Variants in BMPR1A observed in about 807,000 individuals in gnomAD.
BMPR1A encodes the protein bone morphogenetic protein receptor type 1A.
A neutral mutation model predicts 66.0 loss-of-function variants in BMPR1A; 7 were observed. That is an observed-to-expected ratio of 0.11 (90% CI 0.06 to 0.20). The LOEUF (loss-of-function observed/expected upper bound fraction) is 0.20. Among genes scored for constraint, BMPR1A ranks in the 10% least tolerant of loss-of-function variants. The pLI is 1.00. For synonymous variants in BMPR1A, 200 were observed against 229.7 expected, an observed-to-expected ratio of 0.87 and a Z score of 1.17; for missense variants, 408 against 669.1, an observed-to-expected ratio of 0.61 and a Z score of 4.31.
chr10:86,829,543 C>G (rs1424271332), intron 1 of BMPR1A, among the ~76,000 whole-genome samples: 2 of 152,186 alleles, frequency 1.3e-5, no homozygotes, highest in Non-Finnish European at 2.9e-5. Context: ...ACTGTGGCAT[C>G]AAGACACAAA....
At chr10:86,912,437 C>A in intron 8 of BMPR1A, 53 bp downstream of exon 8, 2 of 1,597,350 alleles carry the variant, frequency 1.3e-6, no homozygotes, top group South Asian at 2.2e-5. Flanking sequence ...AGAATGTGTC[C>A]TCATGATGGT....
intron 2 of BMPR1A, among the ~76,000 whole-genome samples, chr10:86,864,306 G>A (rs1184063604): frequency 1.3e-5 from 2 of 152,154 alleles, no homozygotes; most frequent in South Asian, 2.1e-4. Context: ...ACAAAAAAAA[G>A]TTATTCCACT....
In BMPR1A at chr10:86,871,012, C is replaced by G. The variant is rs531249512; in HGVS notation, c.-152-4855C>G. On this transcript the variant is annotated intron_variant, in intron 2 of 12. Coordinates refer to ENST00000372037, the MANE Select transcript of BMPR1A (RefSeq NM_004329.3). Reference sequence around the variant, plus strand: ...GTCTTCTCTGCCTCTTCACCCTCATCTCCCACTACACTATCTCTTATTCTC... The same window carrying G: ...GTCTTCTCTGCCTCTTCACCCTCATGTCCCACTACACTATCTCTTATTCTC... Among the ~76,000 whole-genome samples the G allele has an allele frequency of 8.5e-5, 13 of 152,322 alleles. No individual in the cohort carries two copies. In the South Asian group the frequency reaches 2.7e-3, roughly 32 times the overall value.
At chr10:86,832,094 T>C (rs1842275882) in intron 1 of BMPR1A, among the ~76,000 whole-genome samples, 1 of 152,192 alleles carries the variant, frequency 6.6e-6, no homozygotes, top group Non-Finnish European at 1.5e-5. Context: ...CAGGTTACGT[T>C]AAATAGATTG....
chr10:86,784,333 C>T (rs995001929), intron 1 of BMPR1A, among the ~76,000 whole-genome samples: 4 of 152,074 alleles, frequency 2.6e-5, no homozygotes, highest in African/African-American at 4.8e-5. Flanking sequence ...TTGTCAGATG[C>T]TTTTTCTGCA....
chr10:86,931,034 TGAGGTCAGGAGCA>T (rs1383461370), downstream of BMPR1A: 2 of 151,824 alleles, frequency 1.3e-5, no homozygotes, highest in Admixed American at 1.3e-4. Context: ...GCAGACCACC[TGAGGTCAGGAGCA>T]GCCTGGCCAA....
chr10:86,929,842 A>G (rs1442098586), downstream of BMPR1A: 2 of 152,272 alleles, frequency 1.3e-5, no homozygotes, highest in Non-Finnish European at 1.5e-5. Flanking sequence ...AAGAAACAGA[A>G]TTGTCTAATC....
intron 1 of BMPR1A, among the ~76,000 whole-genome samples, chr10:86,785,635 A>G (rs993286990): frequency 2.0e-5 from 3 of 151,992 alleles, no homozygotes; most frequent in African/African-American, 7.2e-5. Context: ...CGTTAGTTCC[A>G]GTTACTCTCC....
Position 86,921,845 on chromosome 10 carries a change from G to A in BMPR1A, c.1342+150G>A, listed in dbSNP as rs922668965. 3 of 971,790 alleles carry A rather than the reference G, an allele frequency of 3.1e-6. No homozygotes were observed. The African/African-American group carries it at 4.9e-5, about 16-fold the overall frequency. The allele number at this position is 971,790 out of a possible 1,614,324, so 60.2% of individuals were successfully genotyped here. A position where few individuals can be genotyped will look rare whatever the true frequency, so the allele number is the denominator to read the frequency against. Reference sequence around the variant, plus strand: ...TAAGGAGTTATTTTGATACAGGCATGCCATGTGTAATAATCACATCTTGGA... The same window carrying A: ...TAAGGAGTTATTTTGATACAGGCATACCATGTGTAATAATCACATCTTGGA... On this transcript the variant is annotated intron_variant, in intron 11 of 12. Coordinates refer to ENST00000372037, the MANE Select transcript of BMPR1A (RefSeq NM_004329.3).
At position 86,916,134 on chromosome 10, in the gene BMPR1A, A is replaced by G. The variant is rs117612572; in HGVS notation, c.676-1000A>G. On this transcript the variant is annotated intron_variant, in intron 8 of 12. Transcript: ENST00000372037. ...TTCAAAAAAACCCAGCGACAGGAAT[A>G]AGCTTGAGTGAATTCTAAAAGTTGA... Among the ~76,000 whole-genome samples the G allele has an allele frequency of 7.5e-3, 1,144 of 152,340 alleles. 10 individuals carry two copies. The highest frequency in any genetic ancestry group is 0.011 in the Non-Finnish European group (751 of 68,032).
chr10:86,800,100 A>G (rs1841790744), intron 1 of BMPR1A, among the ~76,000 whole-genome samples: 1 of 152,204 alleles, frequency 6.6e-6, no homozygotes, highest in Non-Finnish European at 1.5e-5. Flanking sequence ...TTTTTGGCTT[A>G]TAATGTAATT....
In BMPR1A at chr10:86,893,209, T is replaced by C. The variant is rs567568839; in HGVS notation, c.333+980T>C. Among the ~76,000 whole-genome samples the C allele has an allele frequency of 3.3e-5, 5 of 152,190 alleles. No homozygotes were observed. In the South Asian group the frequency reaches 8.3e-4, roughly 25 times the overall value. On this transcript the variant is annotated intron_variant, in intron 5 of 12. Transcript: ENST00000372037. ...AGACAACTTAGAAATGTTAAAGATA[T>C]ACTGCAAACTCTAGGGTAACCACTA... is the stretch of plus-strand genomic sequence containing the variant.
chr10:86,827,539 C>T (rs1486450773), intron 1 of BMPR1A, among the ~76,000 whole-genome samples: 1 of 152,118 alleles, frequency 6.6e-6, no homozygotes, highest in East Asian at 1.9e-4. Flanking sequence ...ACAAAAGGTT[C>T]TCTAGGTTAT....
chr10:86,758,275 C>T (rs1216714902), intron 1 of BMPR1A, among the ~76,000 whole-genome samples: 1 of 152,168 alleles, frequency 6.6e-6, no homozygotes, highest in Non-Finnish European at 1.5e-5. Flanking sequence ...CTTCTCCCCA[C>T]CCTTTACAGA....
chr10:86,786,644 C>T (rs949095457), intron 1 of BMPR1A, among the ~76,000 whole-genome samples: 3 of 152,186 alleles, frequency 2.0e-5, no homozygotes, highest in African/African-American at 4.8e-5. Context: ...CCTTGTTGAT[C>T]TTATTTGACC....
At chr10:86,758,342 C>T (rs1589701068) in intron 1 of BMPR1A, among the ~76,000 whole-genome samples, 1 of 150,650 alleles carries the variant, frequency 6.6e-6, no homozygotes, top group African/African-American at 2.4e-5. Context: ...TTACTGGCTT[C>T]TTAACCTTCC....
chr10:86,813,615 C>T (rs868295747), intron 1 of BMPR1A, among the ~76,000 whole-genome samples: 19 of 152,264 alleles, frequency 1.2e-4, no homozygotes, highest in Middle Eastern at 3.4e-3. Context: ...GGGTTGAAAC[C>T]AGTTAAAACC....
chr10:86,790,173 AAAAAAAAAAAAAAAAATATAT>A lies in BMPR1A; in HGVS notation c.-268+33256_-268+33276del, dbSNP rs1296073104. On this transcript the variant is annotated intron_variant, in intron 1 of 12. Transcript: ENST00000372037. ...CGAGACTCTGTCTCCAAAAAAAAAA[AAAAAAAAAAAAAAAAATATAT>A]ATATATATATATATATATATATATA... Among the ~76,000 whole-genome samples, 12 of 37,884 alleles carry A rather than the reference AAAAAAAAAAAAAAAAATATAT, an allele frequency of 3.2e-4. 2 individuals carry two copies. In the East Asian group the frequency reaches 6.0e-3, roughly 19 times the overall value. The allele number at this position is 37,884 out of a possible 152,430, so 24.9% of individuals were successfully genotyped here. A position where few individuals can be genotyped will look rare whatever the true frequency, so the allele number is the denominator to read the frequency against.
intron 3 of BMPR1A, among the ~76,000 whole-genome samples, chr10:86,881,011 C>T (rs370532418): frequency 3.9e-5 from 6 of 151,932 alleles, no homozygotes; most frequent in African/African-American, 1.5e-4. Context: ...AGAACATCCA[C>T]GGCTAAACTG....
Sources: allele counts gnomAD v4.1 joint callset (sites outside exome capture counted in the v4.1 genomes callset), GRCh38; gene constraint gnomAD v4.1.1; transcripts MANE v1.5; gene names NCBI Gene and HGNC (gene_info 2026-07-23, HGNC 2026-07-21).